Variants in LPP observed in about 807,000 individuals in gnomAD.
LPP encodes the protein LIM domain containing preferred translocation partner in lipoma, also known as lipoma-preferred partner.
A neutral mutation model predicts 60.4 loss-of-function variants in LPP; 38 were observed. The observed-to-expected ratio is 0.63, with a 90% CI of 0.49 to 0.83. The LOEUF is 0.83. Ranked by LOEUF, LPP falls within the 40% of genes least tolerant of loss-of-function variation. The probability of loss-of-function intolerance (pLI) is 0.00; values close to 1 mark genes in which losing one functional copy is unlikely to be tolerated. For missense variants in LPP, 902 were observed against 783.6 expected (o/e 1.15, Z -1.80); for synonymous variants, 328 against 290.8 (o/e 1.13, Z -1.30).
chr3:188,461,264 T>C (rs1798896758), intron 4 of LPP, among the ~76,000 whole-genome samples: 1 of 152,164 alleles, frequency 6.6e-6, no homozygotes, highest in Non-Finnish European at 1.5e-5. Flanking sequence ...CTAGGTGACC[T>C]TCCCCTCCAA....
chr3:188,275,895 C>T (rs1185727080), intron 2 of LPP, among the ~76,000 whole-genome samples: 3 of 151,954 alleles, frequency 2.0e-5, no homozygotes, highest in Non-Finnish European at 4.4e-5. Flanking sequence ...AGGCTGATCT[C>T]GAACTCCTGA....
chr3:188,171,950 A>T (rs1246542581), intron 1 of LPP, among the ~76,000 whole-genome samples: 1 of 152,224 alleles, frequency 6.6e-6, no homozygotes, highest in Non-Finnish European at 1.5e-5. Flanking sequence ...ACTAGAGGGC[A>T]TGATGTGGGC....
Position 188,888,950 on chromosome 3 carries a change from G to GA in LPP, c.*14471_*14472insA, listed in dbSNP as rs1578143125. 6.3e-4 allele frequency: 136 copies of GA among 215,100 alleles called. No individual in the cohort carries two copies. Among genetic ancestry groups the GA allele is most frequent in the Middle Eastern group, 4.3e-3 (3 of 692 alleles). The allele number at this position is 215,100 out of a possible 1,614,324, so 13.3% of individuals were successfully genotyped here. A position where few individuals can be genotyped will look rare whatever the true frequency, so the allele number is the denominator to read the frequency against. ...AGCTTTATGGCATTGAAACATTTAG[G>GA]GAAAAAAAAGATGTTTAAGAGAATT... On this transcript the variant is annotated 3_prime_UTR_variant, in exon 12 of 12. Transcript: ENST00000617246.
intron 1 of LPP, among the ~76,000 whole-genome samples, chr3:188,204,392 A>G (rs1463866568): frequency 1.3e-5 from 2 of 152,084 alleles, no homozygotes; most frequent in Non-Finnish European, 2.9e-5. Context: ...CATCTTTAGG[A>G]TGTGCCGGGA....
intron 2 of LPP, among the ~76,000 whole-genome samples, chr3:188,249,351 T>G (rs1728244076): frequency 6.6e-6 from 1 of 151,854 alleles, no homozygotes; most frequent in Non-Finnish European, 1.5e-5. Context: ...GAGCTGAGAT[T>G]CTGCCACTGG....
intron 8 of LPP, chr3:188,725,180 T>A (rs1717917407): frequency 6.6e-6 from 1 of 152,210 alleles, no homozygotes; most frequent in African/African-American, 2.4e-5. Context: ...TCGTTGTGCC[T>A]CTAGAGCAAT....
At chr3:188,293,201 A>C (rs1560209380) in intron 2 of LPP, among the ~76,000 whole-genome samples, 1 of 152,210 alleles carries the variant, frequency 6.6e-6, no homozygotes, top group Non-Finnish European at 1.5e-5. Context: ...CATTATAGGT[A>C]TTTATTACTA....
At chr3:188,726,352 T>C (rs181353615) in intron 8 of LPP, among the ~76,000 whole-genome samples, 2 of 152,108 alleles carry the variant, frequency 1.3e-5, no homozygotes, top group African/African-American at 4.8e-5. Context: ...CACTAAGTGA[T>C]GTGAGAAAAA....
intron 2 of LPP, among the ~76,000 whole-genome samples, chr3:188,256,107 T>C (rs1361518395): frequency 6.6e-6 from 1 of 151,708 alleles, no homozygotes; most frequent in Non-Finnish European, 1.5e-5. Flanking sequence ...AATTGAAATA[T>C]AAAGGAATAT....
intron 5 of LPP, among the ~76,000 whole-genome samples, chr3:188,493,715 G>T (rs1809077125): frequency 6.6e-6 from 1 of 152,004 alleles, no homozygotes; most frequent in Non-Finnish European, 1.5e-5. Context: ...AAAGTGCTGG[G>T]TTTACAGGTG....
At chr3:188,236,757 T>C (rs2149407032) in intron 2 of LPP, among the ~76,000 whole-genome samples, 1 of 152,340 alleles carries the variant, frequency 6.6e-6, no homozygotes, top group African/African-American at 2.4e-5. Flanking sequence ...ATGCTAGCAA[T>C]TATCTGAACT....
intron 9 of LPP, among the ~76,000 whole-genome samples, chr3:188,765,861 CTTTTTTT>C (rs71169019): frequency 5.4e-5 from 5 of 92,618 alleles, no homozygotes; most frequent in African/African-American, 8.7e-5. Context: ...ATGTTCAACT[CTTTTTTT>C]TTTTTTTTTT....
At chr3:188,781,920 C>T (rs112592914) in intron 9 of LPP, among the ~76,000 whole-genome samples, 14 of 151,926 alleles carry the variant, frequency 9.2e-5, no homozygotes, top group African/African-American at 2.4e-4. Flanking sequence ...TCTATCACCC[C>T]CCTTGATTCA....
intron 2 of LPP, among the ~76,000 whole-genome samples, chr3:188,295,816 G>A (rs966745554): frequency 1.1e-4 from 17 of 152,182 alleles, no homozygotes; most frequent in African/African-American, 3.9e-4. Flanking sequence ...TATGAGCCCC[G>A]TGCCCAGCCT....
chr3:188,204,951 A>C (rs1434829006), intron 1 of LPP, among the ~76,000 whole-genome samples: 2 of 152,184 alleles, frequency 1.3e-5, no homozygotes, highest in Non-Finnish European at 2.9e-5. Context: ...CTTGCTTGCT[A>C]TCATGTTGTT....
intron 9 of LPP, 103 bp downstream of exon 9, chr3:188,760,385 C>G: frequency 1.6e-6 from 2 of 1,214,274 alleles, no homozygotes; most frequent in East Asian, 4.7e-5. Context: ...TTGCTTCTTC[C>G]TAGACTTCAA....
chr3:188,611,857 A>G (rs1444505945), intron 7 of LPP, among the ~76,000 whole-genome samples: 1 of 152,216 alleles, frequency 6.6e-6, no homozygotes, highest in African/African-American at 2.4e-5. Context: ...CCATTGGTGT[A>G]GGAAAAAGAA....
chr3:188,335,463 A>C (rs1009399712), intron 2 of LPP, among the ~76,000 whole-genome samples: 1 of 152,194 alleles, frequency 6.6e-6, no homozygotes, highest in Non-Finnish European at 1.5e-5. Flanking sequence ...TTTTGCATCT[A>C]TGTTCATCAG....
chr3:188,476,452 ACTTCTTTG>A (rs1560453458), intron 4 of LPP, among the ~76,000 whole-genome samples: 2 of 152,144 alleles, frequency 1.3e-5, no homozygotes, highest in African/African-American at 4.8e-5. Context: ...ATGTTAAGTT[ACTTCTTTG>A]GTAGGATAAT....
Sources: gnomAD v4.1 joint callset for allele counts (sites outside exome capture counted in the v4.1 genomes callset) on GRCh38, gnomAD v4.1.1 for gene constraint, MANE v1.5 for transcripts, NCBI Gene and HGNC (gene_info 2026-07-23, HGNC 2026-07-21) for gene names.